The following RPS6KC1 variants were observed in gnomAD, a reference collection of about 807,000 sequenced individuals.
RPS6KC1 encodes the protein ribosomal protein S6 kinase C1, also known as inactive ribosomal protein S6 kinase delta-1.
A neutral mutation model predicts 103.8 loss-of-function variants in RPS6KC1; 54 were observed. The ratio of observed to expected loss-of-function variants is 0.52; its 90% CI spans 0.42 to 0.65. The LOEUF is 0.65. Among genes scored for constraint, RPS6KC1 ranks in the 30% least tolerant of loss-of-function variants. The pLI is 0.00. For missense variants in RPS6KC1, 1,151 were observed against 1,253.8 expected, an observed-to-expected ratio of 0.92 and a Z score of 1.24; for synonymous variants, 439 against 438.7, an observed-to-expected ratio of 1.00 and a Z score of -0.01.
At chr1:213,465,213 G>A in the RPS6KC1 span, among the ~76,000 whole-genome samples, 4 of 152,146 alleles carry the variant, frequency 2.6e-5, no homozygotes, top group Non-Finnish European at 5.9e-5. Flanking sequence ...TTTTGCAGGT[G>A]TTGCTCTAGG....
the RPS6KC1 span, among the ~76,000 whole-genome samples, chr1:213,741,506 T>C: frequency 1.2e-4 from 18 of 148,588 alleles, no homozygotes; most frequent in Admixed American, 4.9e-4. Context: ...AAATGCGTGC[T>C]TGATGGCTTC....
chr1:213,113,746 A>G (rs1343012588), intron 4 of RPS6KC1, among the ~76,000 whole-genome samples: 6 of 152,204 alleles, frequency 3.9e-5, no homozygotes, highest in Admixed American at 6.5e-5. Flanking sequence ...ATGAGGTGTA[A>G]GGAAGGGATC....
the RPS6KC1 span, among the ~76,000 whole-genome samples, chr1:213,742,608 G>A: frequency 3.3e-5 from 5 of 152,212 alleles, no homozygotes; most frequent in East Asian, 3.8e-4. Flanking sequence ...GCATGCTTTC[G>A]ATGGCTTGTC....
the RPS6KC1 span, among the ~76,000 whole-genome samples, chr1:213,577,111 G>A: frequency 6.6e-6 from 1 of 151,730 alleles, no homozygotes; most frequent in Non-Finnish European, 1.5e-5. Flanking sequence ...TGTCGTGGGA[G>A]GGACACTGTT....
the RPS6KC1 span, among the ~76,000 whole-genome samples, chr1:213,298,667 A>G: frequency 1.3e-5 from 2 of 151,584 alleles, no homozygotes; most frequent in Non-Finnish European, 2.9e-5. Context: ...CAGTTTTTCT[A>G]TAAAGTTTTC....
chr1:213,129,137 C>G (rs528012068), intron 5 of RPS6KC1, among the ~76,000 whole-genome samples: 9 of 151,766 alleles, frequency 5.9e-5, no homozygotes, highest in African/African-American at 2.2e-4. Context: ...AAAACAAAAA[C>G]AAAACAAAAA....
chr1:213,058,409 T>C (rs1171363202), intron 1 of RPS6KC1, among the ~76,000 whole-genome samples: 1 of 152,118 alleles, frequency 6.6e-6, no homozygotes, highest in Non-Finnish European at 1.5e-5. Context: ...GCATTTTATA[T>C]TTTGCTCTAT....
At chr1:213,818,532 C>T in the RPS6KC1 span, 1 of 152,270 alleles carries the variant, frequency 6.6e-6, no homozygotes, top group Admixed American at 6.5e-5. Context: ...GCGGTATTAG[C>T]TTTATTGCGG....
chr1:213,368,199 AC>A, the RPS6KC1 span, among the ~76,000 whole-genome samples: 8 of 152,184 alleles, frequency 5.3e-5, no homozygotes, highest in African/African-American at 1.9e-4. Context: ...ATAAAAGACC[AC>A]GTATTTCAGC....
At chr1:213,200,117 A>G (rs1419745027) in intron 8 of RPS6KC1, among the ~76,000 whole-genome samples, 1 of 152,242 alleles carries the variant, frequency 6.6e-6, no homozygotes, top group East Asian at 1.9e-4. Context: ...GATTCTTCAC[A>G]GAACTAGAAA....
chr1:213,060,717 T>C (rs2148347280), intron 1 of RPS6KC1, among the ~76,000 whole-genome samples: 1 of 152,328 alleles, frequency 6.6e-6, no homozygotes, highest in African/African-American at 2.4e-5. Context: ...GGAAAATAGT[T>C]TAGAATACTG....
At chr1:213,284,369 C>T in the RPS6KC1 span, among the ~76,000 whole-genome samples, 7 of 152,068 alleles carry the variant, frequency 4.6e-5, no homozygotes, top group East Asian at 3.9e-4. Context: ...ACAAAAAAAC[C>T]GAGCATGGTG....
the RPS6KC1 span, among the ~76,000 whole-genome samples, chr1:213,811,861 T>G: frequency 6.6e-6 from 1 of 152,334 alleles, no homozygotes; most frequent in African/African-American, 2.4e-5. Flanking sequence ...ACAAGGGTGG[T>G]ATAAACAGTT....
chr1:213,582,032 CT>C, the RPS6KC1 span, among the ~76,000 whole-genome samples: 1 of 151,030 alleles, frequency 6.6e-6, no homozygotes, highest in Non-Finnish European at 1.5e-5. Context: ...GTTGCTTTTG[CT>C]TTTTTTCCTA....
At chr1:213,662,889 C>G in the RPS6KC1 span, among the ~76,000 whole-genome samples, 636 of 152,284 alleles carry the variant, frequency 4.2e-3, 4 homozygotes, top group Admixed American at 0.018. Context: ...TTATTCAATC[C>G]TGTTCATTCA....
At chr1:213,760,848 C>CT in the RPS6KC1 span, among the ~76,000 whole-genome samples, 17,044 of 117,114 alleles carry the variant, frequency 0.15, 1,502 homozygotes, top group African/African-American at 0.25. Context: ...TGTGAGTCTA[C>CT]TTTTTTTTTT....
intron 8 of RPS6KC1, among the ~76,000 whole-genome samples, chr1:213,208,389 C>G (rs1262892983): frequency 6.6e-6 from 1 of 152,176 alleles, no homozygotes; most frequent in African/African-American, 2.4e-5. Context: ...TTTTTCTCCT[C>G]CTTTGCCTTT....
the RPS6KC1 span, among the ~76,000 whole-genome samples, chr1:213,602,735 T>C: frequency 6.6e-6 from 1 of 152,212 alleles, no homozygotes; most frequent in African/African-American, 2.4e-5. Context: ...ACCCATTTCT[T>C]AGCCAGAGGT....
At chr1:213,234,662 G>A (rs2094183793) in intron 10 of RPS6KC1, among the ~76,000 whole-genome samples, 1 of 152,144 alleles carries the variant, frequency 6.6e-6, no homozygotes, top group African/African-American at 2.4e-5. Context: ...TGGAGAAGTA[G>A]GCAGGAGCCT....
Sources: gnomAD v4.1 joint callset for allele counts (sites outside exome capture counted in the v4.1 genomes callset) on GRCh38, gnomAD v4.1.1 for gene constraint, MANE v1.5 for transcripts, NCBI Gene and HGNC (gene_info 2026-07-23, HGNC 2026-07-21) for gene names.